FLG: variants seen among roughly 807,000 people sequenced by gnomAD.
The protein encoded by FLG is filaggrin.
A neutral mutation model predicts 3.8 loss-of-function variants in FLG; 6 were observed. The ratio of observed to expected loss-of-function variants is 1.60; its 90% CI spans 0.87 to 3.15. The LOEUF is 3.15. Among genes scored for constraint, FLG ranks in the 30% most tolerant of loss-of-function variants. The pLI is 0.00. For missense variants in FLG, 7,595 were observed against 5,050.9 expected, an observed-to-expected ratio of 1.50 and a Z score of -15.27; for synonymous variants, 2,551 against 1,931.6, an observed-to-expected ratio of 1.32 and a Z score of -8.41.
chr1:152,303,156 G>A lies in FLG; in HGVS notation c.11730C>T (p.Ala3910=), dbSNP rs535144679. Residue 3910 remains alanine, a synonymous_variant, in exon 3 of 3, where the codon GCC becomes GCT. Coordinates refer to ENST00000368799, the MANE Select transcript of FLG (RefSeq NM_002016.2). ...RHPGSSHRDT[A]SHVQSSPVQS... Reference sequence around the variant, plus strand: ...GTACAGGTGAAGACTGTACATGACTGGCTGTATCGCGGTGAGAGGATCCGG... The same window carrying A: ...GTACAGGTGAAGACTGTACATGACTAGCTGTATCGCGGTGAGAGGATCCGG... The A allele has an allele frequency of 2.1e-4, 331 of 1,614,184 alleles. 4 individuals carry two copies. The South Asian group carries it at 3.4e-3, about 17-fold the overall frequency.
chr1:152,307,413 A>G lies in FLG; in HGVS notation c.7473T>C (p.His2491=), dbSNP rs1209071075. ...LVDRSGHSGS[H]HSHTTSQGRS... is the part of the protein sequence containing the mutation. ...TTCCCTGGGATGTGGTGTGGCTGTG[A>G]TGAGACCCTGAGTGTCCAGATCTAT... Residue 2491 remains histidine (H), a synonymous_variant, in exon 3 of 3, where the codon CAT becomes CAC. Transcript: ENST00000368799. 1.2e-6 allele frequency: 2 copies of G among 1,613,132 alleles called. No homozygotes were observed. The highest frequency in any genetic ancestry group is 1.1e-5 in the South Asian group (1 of 91,004).
rs1652096236 is a variant in FLG at position 152,307,990 on chromosome 1, G to C, written c.6896C>G (p.Ser2299Cys). 6.2e-7 allele frequency: 1 copy of C among 1,614,024 alleles called. No individual in the cohort carries two copies. Among genetic ancestry groups the C allele is most frequent in the South Asian group, 1.1e-5 (1 of 91,090 alleles). The change falls in exon 3 of 3, where the codon TCC becomes TGC. Residue 2299 changes from serine (S) to cysteine (C), a missense_variant. Physicochemically the swap from Ser to Cys is moderately radical, Grantham distance 112. Transcript: ENST00000368799. ...RAGHGHSAESSRQSGTHHAEN... is the reference protein window; with the variant it reads ...RAGHGHSAESCRQSGTHHAEN... ...TGCATGATGAGTGCCTGATTGTCTG[G>C]AGCTCTCTGCAGAGTGCCCATGACC...
rs1259944011 is a variant in FLG at position 152,315,426 on chromosome 1, T to C, written c.31A>G (p.Ile11Val). 3.1e-6 allele frequency: 5 copies of C among 1,612,188 alleles called. No homozygotes were observed. The Admixed American group carries it at 5.0e-5, about 16-fold the overall frequency. Residue 11 changes from isoleucine to valine, a missense_variant, in exon 2 of 3, where the codon ATA (isoleucine) becomes GTA (valine). Physicochemically the swap from Ile to Val is conservative, Grantham distance 29. Transcript: ENST00000368799. ...GAATATTGCTTGAAAAGATTAATTA[T>C]GGCAAAGATGTTTTCCAGGAGAGTA... The part of the protein sequence containing the change: MSTLLENIFA[I>V]INLFKQYSKK...
Position 152,310,664 on chromosome 1 carries a change from G to A in FLG, c.4222C>T (p.Gln1408Ter), listed in dbSNP as rs141177690. ...GCTTGTCCGTGGGCTGACACTGACT[G>A]TGTGTCTGAGTCTTCTGAATGTCCC... ...SEGHSEDSDT[Q>*]SVSAHGQAGP... The change falls in exon 3 of 3, where the codon CAG becomes TAG. Residue 1408 changes from glutamine (Q) to a stop codon, truncating the protein, a stop_gained. Transcript: ENST00000368799. LOFTEE classifies it low-confidence loss of function (END_TRUNC). 21 of 1,613,898 alleles carry A rather than the reference G, an allele frequency of 1.3e-5. No individual in the cohort carries two copies. Among genetic ancestry groups the A allele is most frequent in the Non-Finnish European group, 1.7e-5 (20 of 1,180,010 alleles).
rs1487714017 is a variant in FLG at position 152,308,568 on chromosome 1, C to G, written c.6318G>C (p.Gln2106His). The G allele has an allele frequency of 2.5e-6, 4 of 1,614,124 alleles. No individual in the cohort carries two copies. The highest frequency in any genetic ancestry group is 2.5e-6 in the Non-Finnish European group (3 of 1,180,008). The change falls in exon 3 of 3, where the codon CAG becomes CAC. Residue 2106 changes from glutamine (Q) to histidine (H), a missense_variant. Physicochemically the swap from Gln to His is conservative, Grantham distance 24 (BLOSUM62 0). Transcript: ENST00000368799. ...THEQSESTHG[Q>H]SAPSTGGRQG... is the part of the protein sequence containing the mutation. ...GTCTTCCTCCAGTGCTGGGCGCAGA[C>G]TGTCCATGGGTGGACTCAGACTGTT...
In FLG at chr1:152,309,662, G is replaced by A. The variant is rs747190133; in HGVS notation, c.5224C>T (p.Pro1742Ser). The A allele has an allele frequency of 3.3e-5, 53 of 1,613,464 alleles. 1 individual carries two copies. Among genetic ancestry groups the A allele is most frequent in the Middle Eastern group, 1.6e-4 (1 of 6,078 alleles). Residue 1742 changes from proline to serine, a missense_variant, in exon 3 of 3, where the codon CCC becomes TCC. Physicochemically the swap from Pro to Ser is moderately conservative, Grantham distance 74 (BLOSUM62 -1). Coordinates refer to ENST00000368799, the MANE Select transcript of FLG (RefSeq NM_002016.2). ...QSVSAHGQAG[P>S]HQQSHQESTR... ...GACTCTTGGTGGCTCTGCTGATGGG[G>A]CCCAGCCTGTCCGTGGGCTGACACT...
In FLG at chr1:152,311,533, A is replaced by G; in HGVS notation, c.3353T>C (p.Ile1118Thr). The change falls in exon 3 of 3, where the codon ATC becomes ACC. Residue 1118 changes from isoleucine (I) to threonine (T), a missense_variant. Ile to Thr is a moderately conservative substitution (Grantham distance 89). Coordinates refer to ENST00000368799, the MANE Select transcript of FLG (RefSeq NM_002016.2). Reference sequence around the variant, plus strand: ...CTGTTCATGAGTGCTCACCTGGTAGATGAAAGACCCTGAACGTCCAGACCT... The same window carrying G: ...CTGTTCATGAGTGCTCACCTGGTAGGTGAAAGACCCTGAACGTCCAGACCT... ...GGRSGRSGSF[I>T]YQVSTHEQSE... The G allele has an allele frequency of 1.2e-6, 2 of 1,613,744 alleles. No individual in the cohort carries two copies. Among genetic ancestry groups the G allele is most frequent in the Non-Finnish European group, 1.7e-6 (2 of 1,179,930 alleles).
At chr1:152,321,519 G>A (rs183309055) in intron 1 of FLG, among the ~76,000 whole-genome samples, 1 of 150,930 alleles carries the variant, frequency 6.6e-6, no homozygotes, top group Admixed American at 6.6e-5. Flanking sequence ...AAGATGACAA[G>A]AGCATATTAT....
In FLG at chr1:152,313,185, T is replaced by G. The variant is rs71625187; in HGVS notation, c.1701A>C (p.Ala567=). The G allele has an allele frequency of 1.2e-6, 2 of 1,613,734 alleles. No homozygotes were observed. Among genetic ancestry groups the G allele is most frequent in the Admixed American group, 1.7e-5 (1 of 59,976 alleles). ...ASHGQSGSRS[A]SRQTRNEEQS... is the part of the protein sequence containing the mutation. ...GTTCCTCATTTCGTGTTTGTCTGCT[T>G]GCACTTCTGGATCCTGACTGCCCAT... The change falls in exon 3 of 3, where the codon GCA becomes GCC. Residue 567 remains alanine, a synonymous_variant. Transcript: ENST00000368799.
chr1:152,310,004 G>A lies in FLG; in HGVS notation c.4882C>T (p.His1628Tyr). ...TGGGACCTGGGGTTCCTGGAGCCAT[G>A]TCTTGACTGCTCCCGAGCAGATCCA... ...HYGSAREQSR[H>Y]GSRNPRSHQE... The change falls in exon 3 of 3, where the codon CAT becomes TAT. Residue 1628 changes from histidine to tyrosine, a missense_variant. Transcript: ENST00000368799. The A allele has an allele frequency of 6.2e-7, 1 of 1,613,922 alleles. No homozygotes were observed. The highest frequency in any genetic ancestry group is 1.6e-4 in the Middle Eastern group (1 of 6,062).
rs184361545 is a variant in FLG, at chr1:152,313,505, G to A, written c.1381C>T (p.Arg461Trp). The stretch of plus-strand genomic sequence containing the variant: ...AGGGAAGACCCTGAACGTCCAGACC[G>A]TTCCCCTGACCGGCCACGTGTGGAC... ...QESTRGRSGERSGRSGSSLYQ... is the reference protein window; with the variant it reads ...QESTRGRSGEWSGRSGSSLYQ... Residue 461 changes from arginine to tryptophan, a missense_variant, in exon 3 of 3, where the codon CGG becomes TGG. By Grantham distance (101) the Arg-to-Trp change is moderately radical (BLOSUM62 -3). Transcript: ENST00000368799. 43 of 1,613,772 alleles carry A rather than the reference G, an allele frequency of 2.7e-5. No individual in the cohort carries two copies. The highest frequency in any genetic ancestry group is 1.7e-4 in the African/African-American group (13 of 74,898).
At chr1:152,325,025 C>T (rs890961940) in intron 1 of FLG, among the ~76,000 whole-genome samples, 164 bp downstream of exon 1, 1 of 151,724 alleles carries the variant, frequency 6.6e-6, no homozygotes, top group Non-Finnish European at 1.5e-5. Flanking sequence ...AATTTATGCC[C>T]TCATTTTCCT....
chr1:152,309,757 C>T lies in FLG; in HGVS notation c.5129G>A (p.Gly1710Glu), dbSNP rs1652257753. The T allele has an allele frequency of 1.2e-6, 2 of 1,613,864 alleles. No individual in the cohort carries two copies. The highest frequency in any genetic ancestry group is 1.7e-6 in the Non-Finnish European group (2 of 1,180,006). ...RQDSSVVGDSGNRGSSGSQAS... is the reference protein window; with the variant it reads ...RQDSSVVGDSENRGSSGSQAS... ...CTGGCTACCACTGGACCCTCGGTTT[C>T]CACTGTCTCCGACTACAGATGAATC... The change falls in exon 3 of 3, where the codon GGA becomes GAA. Residue 1710 changes from glycine to glutamate, a missense_variant. Physicochemically the swap from Gly to Glu is moderately conservative, Grantham distance 98 (BLOSUM62 -2). Coordinates refer to ENST00000368799, the MANE Select transcript of FLG (RefSeq NM_002016.2).
Position 152,303,572 on chromosome 1 carries a change from A to T in FLG, c.11314T>A (p.Ser3772Thr). The change falls in exon 3 of 3, where the codon TCC (serine) becomes ACC (threonine). Residue 3772 changes from serine to threonine, a missense_variant. By Grantham distance (58) the Ser-to-Thr change is moderately conservative. Coordinates refer to ENST00000368799, the MANE Select transcript of FLG (RefSeq NM_002016.2). The part of the protein sequence containing the change: ...PGSRRGGRQG[S>T]YHEQSVDRSG... ...CTATCTACCGATTGCTCGTGGTAGG[A>T]TCCCTGTCTTCCTCCTCTCCTTGAC... 6.2e-7 allele frequency: 1 copy of T among 1,613,724 alleles called. No individual in the cohort carries two copies. Among genetic ancestry groups the T allele is most frequent in the Non-Finnish European group, 8.5e-7 (1 of 1,179,958 alleles).
At position 152,310,815 on chromosome 1, in the gene FLG, A is replaced by G. The variant is rs1355056092; in HGVS notation, c.4071T>C (p.His1357=). The G allele has an allele frequency of 2.5e-5, 41 of 1,611,238 alleles. No individual in the cohort carries two copies. Among genetic ancestry groups the G allele is most frequent in the Non-Finnish European group, 3.3e-5 (39 of 1,178,898 alleles). ...EQARSSPGER[H]GSRHQQSADS... ...CTGCTGACTGCTGGTGGCGGGATCCATGTCTTTCTCCTGGACTTGATCTTG... is the reference window on the plus strand; with the variant it reads ...CTGCTGACTGCTGGTGGCGGGATCCGTGTCTTTCTCCTGGACTTGATCTTG... Residue 1357 remains histidine (H), a synonymous_variant, in exon 3 of 3, where the codon CAT becomes CAC. Transcript: ENST00000368799.
intron 1 of FLG, among the ~76,000 whole-genome samples, chr1:152,322,925 G>T (rs1653026770): frequency 6.6e-6 from 1 of 151,382 alleles, no homozygotes; most frequent in African/African-American, 2.4e-5. Context: ...GATTAGGTAA[G>T]ACCATCTTTA....
chr1:152,308,645 C>G lies in FLG; in HGVS notation c.6241G>C (p.Gly2081Arg), dbSNP rs772972657. 2.5e-6 allele frequency: 4 copies of G among 1,614,164 alleles called. No individual in the cohort carries two copies. The South Asian group carries it at 4.4e-5, about 18-fold the overall frequency. The change falls in exon 3 of 3, where the codon GGG (glycine) becomes CGG (arginine). Residue 2081 changes from glycine to arginine, a missense_variant. By Grantham distance (125) the Gly-to-Arg change is moderately radical. Coordinates refer to ENST00000368799, the MANE Select transcript of FLG (RefSeq NM_002016.2). ...GACCCTGAACGTCCAGAGCTTTCCC[C>G]TGACTGGCCACGTGCGGACTCTTTG... ...SHKESARGQS[G>R]ESSGRSGSFL...
At position 152,312,216 on chromosome 1, in the gene FLG, T is replaced by C; in HGVS notation, c.2670A>G (p.Arg890=). 6.2e-7 allele frequency: 1 copy of C among 1,613,566 alleles called. No homozygotes were observed. Among genetic ancestry groups the C allele is most frequent in the Non-Finnish European group, 8.5e-7 (1 of 1,179,908 alleles). ...CATTACGTGTTGTTCTGCTTGCACT[T>C]CTGGATCCTGACTGCCCACGGGAGG... The part of the protein sequence containing the change: ...SDASRGQSGS[R]SASRTTRNEE... Residue 890 remains arginine (R), a synonymous_variant, in exon 3 of 3, where the codon AGA becomes AGG. Transcript: ENST00000368799.
At position 152,309,763 on chromosome 1, in the gene FLG, TCTCC is replaced by T. The variant is rs1433030921; in HGVS notation, c.5119_5122del (p.Gly1707ThrfsTer62). The T allele has an allele frequency of 1.2e-6, 2 of 1,613,734 alleles. No homozygotes were observed. The highest frequency in any genetic ancestry group is 4.5e-5 in the East Asian group (2 of 44,818). ...ACCACTGGACCCTCGGTTTCCACTG[TCTCC>T]GACTACAGATGAATCTTGTCTGCGC... is the stretch of plus-strand genomic sequence containing the variant. On this transcript the variant is annotated frameshift_variant, in exon 3 of 3. Coordinates refer to ENST00000368799, the MANE Select transcript of FLG (RefSeq NM_002016.2). LOFTEE classifies it low-confidence loss of function (END_TRUNC).
Sources: allele counts gnomAD v4.1 joint callset (sites outside exome capture counted in the v4.1 genomes callset), GRCh38; gene constraint gnomAD v4.1.1; transcripts MANE v1.5; gene names NCBI Gene and HGNC (gene_info 2026-07-23, HGNC 2026-07-21).